The following CSMD1 variants were observed in gnomAD, a reference collection of about 807,000 sequenced individuals.
CSMD1 encodes the protein CUB and Sushi multiple domains 1.
A neutral mutation model predicts 417.5 loss-of-function variants in CSMD1; 213 were observed. That is an observed-to-expected ratio of 0.51 (90% confidence interval 0.46 to 0.57). The LOEUF is 0.57. Among genes scored for constraint, CSMD1 ranks in the 20% least tolerant of loss-of-function variants. The pLI is 0.00. For missense variants in CSMD1, 6,923 were observed against 4,529.7 expected (o/e 1.53, Z -15.17); for synonymous variants, 2,862 against 1,736.8 (o/e 1.65, Z -16.11).
At chr8:3,461,733 G>C (rs1262022717) in intron 12 of CSMD1, among the ~76,000 whole-genome samples, 5 of 152,178 alleles carry the variant, frequency 3.3e-5, no homozygotes, top group African/African-American at 9.7e-5. Flanking sequence ...AAAAGCTGGG[G>C]CCATTGTCCC....
intron 1 of CSMD1, among the ~76,000 whole-genome samples, chr8:4,790,236 C>G (rs1797621298): frequency 6.6e-6 from 1 of 151,932 alleles, no homozygotes; most frequent in Admixed American, 6.6e-5. Flanking sequence ...TCAAAATAGC[C>G]ATAAAAAGAA....
intron 1 of CSMD1, among the ~76,000 whole-genome samples, chr8:4,925,454 A>G (rs1806792274): frequency 6.6e-6 from 1 of 151,904 alleles, no homozygotes; most frequent in Admixed American, 6.6e-5. Flanking sequence ...TCATTTCAAA[A>G]TCAACCATAA....
At chr8:4,134,779 A>C (rs907367661) in intron 3 of CSMD1, among the ~76,000 whole-genome samples, 2 of 152,214 alleles carry the variant, frequency 1.3e-5, no homozygotes, top group Non-Finnish European at 2.9e-5. Context: ...GCCATTCTCA[A>C]CACGGCATCA....
chr8:3,921,544 C>T (rs1004674834), intron 5 of CSMD1, among the ~76,000 whole-genome samples: 1 of 151,914 alleles, frequency 6.6e-6, no homozygotes, highest in African/African-American at 2.4e-5. Flanking sequence ...GTAAACTTCC[C>T]TCTTAGAACC....
In CSMD1 at chr8:3,819,998, G is replaced by A. The variant is rs111629316; in HGVS notation, c.819-65956C>T. Among the ~76,000 whole-genome samples, 714 of 152,190 alleles carry A rather than the reference G, an allele frequency of 4.7e-3. 10 individuals carry two copies. Among genetic ancestry groups the A allele is most frequent in the African/African-American group, 0.016 (674 of 41,512 alleles). On this transcript the variant is annotated intron_variant, in intron 5 of 69. Transcript: ENST00000635120. Reference sequence around the variant, plus strand: ...GTCCCCAGACTTGAATCCCTTCAGCGTACTTTCCACTTGAACATCACAGTC... The same window carrying A: ...GTCCCCAGACTTGAATCCCTTCAGCATACTTTCCACTTGAACATCACAGTC...
intron 1 of CSMD1, among the ~76,000 whole-genome samples, chr8:4,910,602 C>T (rs1314386221): frequency 5.3e-5 from 8 of 152,154 alleles, no homozygotes; most frequent in Non-Finnish European, 1.2e-4. Context: ...AACCTAATCA[C>T]TTCCCAAAGT....
At chr8:4,604,280 A>G (rs1341341378) in intron 2 of CSMD1, among the ~76,000 whole-genome samples, 6 of 151,976 alleles carry the variant, frequency 3.9e-5, no homozygotes, top group Admixed American at 3.9e-4. Context: ...TACAATAGAT[A>G]TAAGACATTG....
chr8:3,319,952 T>G (rs1283953990), intron 23 of CSMD1, among the ~76,000 whole-genome samples: 1 of 152,196 alleles, frequency 6.6e-6, no homozygotes, highest in Non-Finnish European at 1.5e-5. Flanking sequence ...GTTAATTTAT[T>G]GTTATCACCT....
intron 6 of CSMD1, among the ~76,000 whole-genome samples, chr8:3,745,002 G>A (rs1563333688): frequency 6.6e-6 from 1 of 152,132 alleles, no homozygotes; most frequent in South Asian, 2.1e-4. Flanking sequence ...GGGGCTGGGA[G>A]GCTCTTAGGA....
intron 11 of CSMD1, among the ~76,000 whole-genome samples, chr8:3,470,966 T>G (rs146585465): frequency 6.6e-6 from 1 of 152,132 alleles, no homozygotes; most frequent in African/African-American, 2.4e-5. Flanking sequence ...AGATGACACC[T>G]AAAGCTGCTT....
chr8:4,365,985 C>A (rs1006936599), intron 3 of CSMD1, among the ~76,000 whole-genome samples: 1 of 151,948 alleles, frequency 6.6e-6, no homozygotes, highest in African/African-American at 2.4e-5. Context: ...CATGGGGAAA[C>A]TGTGTGTTGT....
At position 3,552,058 on chromosome 8, in the gene CSMD1, T is replaced by A. The variant is rs573365103; in HGVS notation, c.1344+22887A>T. On this transcript the variant is annotated intron_variant, in intron 10 of 69. Transcript: ENST00000635120. ...AAATAGAGATTTTGCAGATGCATGT[T>A]CTGTATTGTGAAAACAAATGGTAAA... Among the ~76,000 whole-genome samples, 12 of 152,352 alleles carry A rather than the reference T, an allele frequency of 7.9e-5. No individual in the cohort carries two copies. In the South Asian group the frequency reaches 2.5e-3, roughly 32 times the overall value.
At chr8:4,701,170 G>A (rs190972806) in intron 1 of CSMD1, among the ~76,000 whole-genome samples, 2,273 of 152,164 alleles carry the variant, frequency 0.015, 28 homozygotes, top group Non-Finnish European at 0.023. Context: ...CCCACAGCTA[G>A]GGGAGAGTCC....
chr8:4,150,315 G>C (rs562063728), intron 3 of CSMD1, among the ~76,000 whole-genome samples: 1 of 152,226 alleles, frequency 6.6e-6, no homozygotes, highest in South Asian at 2.1e-4. Context: ...CTGTTAGGAA[G>C]GACATCTCTA....
At chr8:4,385,086 C>G (rs1416141707) in intron 3 of CSMD1, among the ~76,000 whole-genome samples, 2 of 152,072 alleles carry the variant, frequency 1.3e-5, no homozygotes, top group Non-Finnish European at 2.9e-5. Flanking sequence ...TCCAGCACAC[C>G]CAGCTAATTT....
chr8:3,484,569 TG>T (rs1817919291), intron 11 of CSMD1, among the ~76,000 whole-genome samples: 1 of 152,216 alleles, frequency 6.6e-6, no homozygotes, highest in African/African-American at 2.4e-5. Flanking sequence ...CTGGCCTTTA[TG>T]GGAAAGCCCA....
chr8:4,218,786 A>G (rs1329639523), intron 3 of CSMD1, among the ~76,000 whole-genome samples: 1 of 152,208 alleles, frequency 6.6e-6, no homozygotes, highest in Non-Finnish European at 1.5e-5. Flanking sequence ...GTAACAATAT[A>G]CAGACTTAAC....
intron 10 of CSMD1, among the ~76,000 whole-genome samples, chr8:3,518,230 T>A (rs1430979271): frequency 6.6e-6 from 1 of 152,218 alleles, no homozygotes; most frequent in Admixed American, 6.5e-5. Flanking sequence ...TTTTGTAGTT[T>A]TAATTTTCCT....
At position 3,348,129 on chromosome 8, in the gene CSMD1, C is replaced by A; in HGVS notation, c.3337G>T (p.Gly1113Ter). Residue 1113 changes from glycine (G) to a stop codon, truncating the protein, a stop_gained, in exon 22 of 70, where the codon GGA becomes TGA. Transcript: ENST00000635120. LOFTEE classifies it high-confidence loss of function. ...ECGASVKGNE[G>*]TLLSPNFPSN... ...GGAAAATTTGGAGACAGTAATGTTC[C>A]TTCATTTCCTTTGACACTTGCTCCA... 10 of 1,612,024 alleles carry A rather than the reference C, an allele frequency of 6.2e-6. No individual in the cohort carries two copies. The highest frequency in any genetic ancestry group is 8.5e-6 in the Non-Finnish European group (10 of 1,179,080).
Sources: allele counts gnomAD v4.1 joint callset (sites outside exome capture counted in the v4.1 genomes callset), GRCh38; gene constraint gnomAD v4.1.1; transcripts MANE v1.5; gene names NCBI Gene and HGNC (gene_info 2026-07-23, HGNC 2026-07-21).